The following MCTP1 variants were observed in gnomAD, a reference collection of about 807,000 sequenced individuals.
MCTP1 encodes the protein multiple C2 and transmembrane domain containing 1, also known as multiple C2 and transmembrane domain-containing protein 1.
A neutral mutation model predicts 120.6 loss-of-function variants in MCTP1; 69 were observed. The ratio of observed to expected loss-of-function variants is 0.57; its 90% CI spans 0.47 to 0.70. MCTP1 has a LOEUF of 0.70. MCTP1 is among the 30% of genes least tolerant of loss of function. The probability of loss-of-function intolerance (pLI) is 0.00; values close to 1 mark genes in which losing one functional copy is unlikely to be tolerated. For synonymous variants in MCTP1, 529 were observed against 493.1 expected, an observed-to-expected ratio of 1.07 and a Z score of -0.96; for missense variants, 1,203 against 1,248.8, an observed-to-expected ratio of 0.96 and a Z score of 0.55.
At chr5:94,868,146 T>A (rs1797168973) in intron 17 of MCTP1, 187 bp downstream of exon 17, 1 of 420,270 alleles carries the variant, frequency 2.4e-6, no homozygotes. Context: ...GGGGAAAATG[T>A]ATTCTTAGAC....
chr5:95,232,254 C>A (rs1755047551), intron 1 of MCTP1, among the ~76,000 whole-genome samples: 2 of 137,862 alleles, frequency 1.5e-5, no homozygotes, highest in Non-Finnish European at 1.6e-5. Flanking sequence ...AAGACAGATA[C>A]AAAGGAAAAG....
chr5:95,013,839 C>G (rs928728953), intron 2 of MCTP1, among the ~76,000 whole-genome samples: 2 of 152,106 alleles, frequency 1.3e-5, no homozygotes, highest in African/African-American at 4.8e-5. Flanking sequence ...GTAATTTCTA[C>G]TTTCAAGGCT....
intron 17 of MCTP1, among the ~76,000 whole-genome samples, chr5:94,827,280 A>G (rs1787356122): frequency 6.6e-6 from 1 of 152,136 alleles, no homozygotes; most frequent in Admixed American, 6.5e-5. Flanking sequence ...TTTCTTTAAG[A>G]GTGTTGAATA....
At position 94,710,908 on chromosome 5, in the gene MCTP1, G is replaced by A. The variant is rs376479007; in HGVS notation, c.2740C>T (p.Pro914Ser). 1.2e-6 allele frequency: 2 copies of A among 1,611,946 alleles called. No individual in the cohort carries two copies. The highest frequency in any genetic ancestry group is 1.7e-6 in the Non-Finnish European group (2 of 1,178,700). Residue 914 changes from proline to serine, a missense_variant, in exon 21 of 23, where the codon CCA (proline) becomes TCA (serine). Pro to Ser is a moderately conservative substitution (Grantham distance 74, BLOSUM62 -1). Coordinates refer to ENST00000515393, the MANE Select transcript of MCTP1 (RefSeq NM_024717.7). The part of the protein sequence containing the change: ...RIKNTFNWTV[P>S]FLSWLAIVAL... The stretch of plus-strand genomic sequence containing the variant: ...ACAATGGCCAGCCAGCTTAAGAATG[G>A]GACAGTCCAGTTGAAAGTACTGAAT...
chr5:94,884,632 G>C (rs1339323077), intron 12 of MCTP1, among the ~76,000 whole-genome samples: 2 of 144,136 alleles, frequency 1.4e-5, no homozygotes, highest in African/African-American at 5.1e-5. Context: ...GGGCTGGGGG[G>C]GCGGGAGCTA....
chr5:95,019,479 C>G (rs1257572182), intron 1 of MCTP1, among the ~76,000 whole-genome samples: 2 of 151,934 alleles, frequency 1.3e-5, no homozygotes, highest in Non-Finnish European at 2.9e-5. Context: ...ATATTTTTTC[C>G]CAGTGTAGGA....
chr5:94,714,359 A>G (rs927703414), intron 20 of MCTP1, among the ~76,000 whole-genome samples: 1 of 152,182 alleles, frequency 6.6e-6, no homozygotes, highest in Admixed American at 6.5e-5. Context: ...TTTTTAAAAA[A>G]TTTAGTGTCA....
At chr5:95,120,176 CAAA>C (rs56354602) in intron 1 of MCTP1, among the ~76,000 whole-genome samples, 3 of 118,226 alleles carry the variant, frequency 2.5e-5, no homozygotes, top group Admixed American at 9.0e-5. Context: ...GACTCCATCT[CAAA>C]AAAAAAAAAA....
chr5:95,243,720 A>T (rs1405049044), intron 1 of MCTP1, among the ~76,000 whole-genome samples: 3 of 152,234 alleles, frequency 2.0e-5, no homozygotes, highest in Admixed American at 1.3e-4. Context: ...CTTCTGAATA[A>T]AAAGGTGAAC....
chr5:94,952,515 G>C (rs1030742057), intron 3 of MCTP1, among the ~76,000 whole-genome samples: 2 of 152,146 alleles, frequency 1.3e-5, no homozygotes, highest in African/African-American at 4.8e-5. Context: ...GAAAAGGGTG[G>C]GATGTGTGCT....
intron 1 of MCTP1, among the ~76,000 whole-genome samples, chr5:95,163,321 GATA>G (rs777782455): frequency 1.3e-5 from 2 of 152,164 alleles, no homozygotes; most frequent in Non-Finnish European, 2.9e-5. Context: ...GGGTTAGGTA[GATA>G]ATGCTTTTTA....
intron 2 of MCTP1, among the ~76,000 whole-genome samples, chr5:95,001,686 G>A (rs1833727730): frequency 6.6e-6 from 1 of 152,112 alleles, no homozygotes; most frequent in Admixed American, 6.6e-5. Context: ...AGGGTATCTG[G>A]CAGAAGAAAT....
At chr5:95,015,466 C>G (rs1383768206) in intron 2 of MCTP1, among the ~76,000 whole-genome samples, 1 of 152,094 alleles carries the variant, frequency 6.6e-6, no homozygotes, top group African/African-American at 2.4e-5. Flanking sequence ...CCCTTTTACC[C>G]CATTCCCATC....
At chr5:94,761,801 C>T (rs1189788961) in intron 19 of MCTP1, among the ~76,000 whole-genome samples, 1 of 152,176 alleles carries the variant, frequency 6.6e-6, no homozygotes, top group Non-Finnish European at 1.5e-5. Context: ...GGCCTAAAGT[C>T]TTGCTTGACT....
At chr5:95,083,045 A>G (rs766360547) in intron 1 of MCTP1, among the ~76,000 whole-genome samples, 4 of 152,160 alleles carry the variant, frequency 2.6e-5, no homozygotes, top group Non-Finnish European at 4.4e-5. Context: ...TGTGGTCTCT[A>G]ACAAGAATGT....
At chr5:95,081,627 C>T in intron 1 of MCTP1, 2 of 1,348,674 alleles carry the variant, frequency 1.5e-6, no homozygotes, top group Non-Finnish European at 9.5e-7. Flanking sequence ...TGCTGCTCTG[C>T]ACAGCAGCGA....
At chr5:95,206,520 T>G (rs1443019582) in intron 1 of MCTP1, among the ~76,000 whole-genome samples, 3 of 152,208 alleles carry the variant, frequency 2.0e-5, no homozygotes, top group African/African-American at 7.2e-5. Context: ...AGGACATTTC[T>G]ATCTCTCATT....
chr5:94,821,381 A>G (rs1785610140), intron 17 of MCTP1, among the ~76,000 whole-genome samples: 1 of 152,202 alleles, frequency 6.6e-6, no homozygotes, highest in Admixed American at 6.5e-5. Flanking sequence ...GTTTCCCTTC[A>G]TCGACCTTCT....
intron 1 of MCTP1, among the ~76,000 whole-genome samples, chr5:95,110,937 T>C (rs1472647407): frequency 1.3e-5 from 2 of 152,200 alleles, no homozygotes; most frequent in Non-Finnish European, 2.9e-5. Flanking sequence ...GGACTCGTTA[T>C]CATGTCAGCA....
Sources: gnomAD v4.1 joint callset for allele counts (sites outside exome capture counted in the v4.1 genomes callset) on GRCh38, gnomAD v4.1.1 for gene constraint, MANE v1.5 for transcripts, NCBI Gene and HGNC (gene_info 2026-07-23, HGNC 2026-07-21) for gene names.